Variants in PLPPR3 observed in about 807,000 individuals in gnomAD.
The protein encoded by PLPPR3 is phospholipid phosphatase related 3.
PLPPR3 carries 14 observed loss-of-function variants against 27.3 expected under a neutral mutation model. That is an observed-to-expected ratio of 0.51 (90% CI 0.34 to 0.80). PLPPR3 has a LOEUF of 0.80. PLPPR3 is among the 30% of genes least tolerant of loss of function. The pLI, the probability that PLPPR3 is intolerant of heterozygous loss-of-function variation, is 0.01. For missense variants in PLPPR3, 1,287 were observed against 1,056.9 expected (o/e 1.22, Z -3.02); for synonymous variants, 671 against 508.0 (o/e 1.32, Z -4.32).
chr19:813,350 C>T lies in PLPPR3; in HGVS notation c.1377G>A (p.Glu459=). 1 of 1,479,008 alleles carries T rather than the reference C, an allele frequency of 6.8e-7. No individual in the cohort carries two copies. The highest frequency in any genetic ancestry group is 8.9e-7 in the Non-Finnish European group (1 of 1,122,958). The allele number at this position is 1,479,008 out of a possible 1,614,324, so 91.6% of individuals were successfully genotyped here. ...GCGAGGGCGGGGCCGGGCCCTCGTC[C>T]TCCTCCTCTTCCTCCTCCTCCTCTT... ...EEEEEEEEEE[E]DEGPAPPSLY... The change falls in exon 8 of 8, where the codon GAG becomes GAA. Residue 459 remains glutamate (E), a synonymous_variant. Coordinates refer to ENST00000520876, the MANE Select transcript of PLPPR3 (RefSeq NM_001270366.2). The surrounding 1 kb of genome is among the most constrained non-coding windows in gnomAD (Gnocchi z 4.1).
upstream of PLPPR3, among the ~76,000 whole-genome samples, chr19:823,432 A>C (rs1268255195): frequency 7.0e-6 from 1 of 143,610 alleles, no homozygotes; most frequent in African/African-American, 2.5e-5. Flanking sequence ...ACAGAAGGAG[A>C]CTCTATCTCA....
Position 813,191 on chromosome 19 carries a change from G to T in PLPPR3, c.1536C>A (p.Gly512=), listed in dbSNP as rs991432848. 3 of 1,506,520 alleles carry T rather than the reference G, an allele frequency of 2.0e-6. No individual in the cohort carries two copies. Among genetic ancestry groups the T allele is most frequent in the South Asian group, 1.2e-5 (1 of 80,890 alleles). The allele number at this position is 1,506,520 out of a possible 1,614,324, so 93.3% of individuals were successfully genotyped here. A position where few individuals can be genotyped will look rare whatever the true frequency, so the allele number is the denominator to read the frequency against. Reference sequence around the variant, plus strand: ...TGAGCCACTTGGCGCGCACCCCGGCGCCGCTTTTGGGGGACAGGCCGGCCC... The same window carrying T: ...TGAGCCACTTGGCGCGCACCCCGGCTCCGCTTTTGGGGGACAGGCCGGCCC... The part of the protein sequence containing the change: ...QTGAGLSPKS[G]AGVRAKWLMM... Residue 512 remains glycine (G), a synonymous_variant, in exon 8 of 8, where the codon GGC becomes GGA. Coordinates refer to ENST00000520876, the MANE Select transcript of PLPPR3 (RefSeq NM_001270366.2). The surrounding 1 kb of genome is among the most constrained non-coding windows in gnomAD (Gnocchi z 4.1).
chr19:813,541 G>C lies in PLPPR3; in HGVS notation c.1186C>G (p.His396Asp). The C allele has an allele frequency of 6.4e-7, 1 of 1,562,920 alleles. No homozygotes were observed. The highest frequency in any genetic ancestry group is 8.7e-7 in the Non-Finnish European group (1 of 1,155,894). ...DDPARRHMTI[H>D]VPLDASRSKQ... is the part of the protein sequence containing the mutation. ...GAGCGCGAGGCGTCCAGCGGCACGTGGATGGTCATGTGGCGGCGCGCGGGG... is the reference window on the plus strand; with the variant it reads ...GAGCGCGAGGCGTCCAGCGGCACGTCGATGGTCATGTGGCGGCGCGCGGGG... The change falls in exon 8 of 8, where the codon CAC (histidine) becomes GAC (aspartate). Residue 396 changes from histidine to aspartate, a missense_variant. Physicochemically the swap from His to Asp is moderately conservative, Grantham distance 81 (BLOSUM62 -1). Transcript: ENST00000520876. The surrounding 1 kb of genome is among the most constrained non-coding windows in gnomAD (Gnocchi z 4.1).
At position 813,653 on chromosome 19, in the gene PLPPR3, C is replaced by T. The variant is rs748685346; in HGVS notation, c.1074G>A (p.Leu358=). Reference sequence around the variant, plus strand: ...TGGCCATGGGGCTGCGCGGGGCCAGCAGGTCCACGTCCACGCTGGCGCGCT... The same window carrying T: ...TGGCCATGGGGCTGCGCGGGGCCAGTAGGTCCACGTCCACGCTGGCGCGCT... ...SLKRASVDVD[L]LAPRSPMAKE... The change falls in exon 8 of 8, where the codon CTG becomes CTA. Residue 358 remains leucine, a synonymous_variant. Transcript: ENST00000520876. This position sits in a 1 kb window ranked among gnomAD's most constrained non-coding sequence, Gnocchi z 4.1. The T allele has an allele frequency of 4.6e-6, 7 of 1,537,214 alleles. No individual in the cohort carries two copies. The South Asian group carries it at 7.1e-5, about 16-fold the overall frequency.
In PLPPR3 at chr19:821,576, C is replaced by A; in HGVS notation, c.-17G>T. ...GGAGATCATGGTGCCGCGGGCGCCG[C>A]AGGCCGTGGCTGGAGGGGAGAAAGC... On this transcript the variant is annotated 5_prime_UTR_variant, in exon 2 of 8. Coordinates refer to ENST00000520876, the MANE Select transcript of PLPPR3 (RefSeq NM_001270366.2). 1 of 1,471,130 alleles carries A rather than the reference C, an allele frequency of 6.8e-7. No individual in the cohort carries two copies. The highest frequency in any genetic ancestry group is 9.1e-7 in the Non-Finnish European group (1 of 1,102,624). The allele number at this position is 1,471,130 out of a possible 1,614,324, so 91.1% of individuals were successfully genotyped here.
chr19:822,491 T>TG (rs977475724), upstream of PLPPR3, among the ~76,000 whole-genome samples: 17 of 151,790 alleles, frequency 1.1e-4, no homozygotes, highest in East Asian at 5.8e-4. Flanking sequence ...GGAGGGGGAC[T>TG]GGGGGGTCTC....
Position 813,422 on chromosome 19 carries a change from G to A in PLPPR3, c.1305C>T (p.Pro435=). 3 of 1,503,486 alleles carry A rather than the reference G, an allele frequency of 2.0e-6. No homozygotes were observed. Among genetic ancestry groups the A allele is most frequent in the Non-Finnish European group, 2.6e-6 (3 of 1,133,720 alleles). 93.1% of individuals were successfully genotyped at this position (1,503,486 alleles called of 1,614,324 possible). A position where few individuals can be genotyped will look rare whatever the true frequency, so the allele number is the denominator to read the frequency against. ...CCTCCTCCTCCGCCATGGGTTCGGC[G>A]GGCGCGCGCAGGTGCCCGGGGCTGG... The part of the protein sequence containing the change: ...DDASPGHLRA[P]AEPMAEEEEE... The change falls in exon 8 of 8, where the codon CCC becomes CCT. Residue 435 remains proline (P), a synonymous_variant. Transcript: ENST00000520876. This position sits in a 1 kb window ranked among gnomAD's most constrained non-coding sequence, Gnocchi z 4.1.
rs1464411675 is a variant in PLPPR3 at position 813,548 on chromosome 19, C to T, written c.1179G>A (p.Met393Ile). Residue 393 changes from methionine (M) to isoleucine (I), a missense_variant, in exon 8 of 8, where the codon ATG becomes ATA. Physicochemically the swap from Met to Ile is conservative, Grantham distance 10. Coordinates refer to ENST00000520876, the MANE Select transcript of PLPPR3 (RefSeq NM_001270366.2). This position sits in a 1 kb window ranked among gnomAD's most constrained non-coding sequence, Gnocchi z 4.1. ...AGGCGTCCAGCGGCACGTGGATGGT[C>T]ATGTGGCGGCGCGCGGGGTCGTCCA... ...PSLDDPARRH[M>I]TIHVPLDASR... 6.4e-6 allele frequency: 10 copies of T among 1,561,678 alleles called. No individual in the cohort carries two copies. In the East Asian group the frequency reaches 7.1e-5, roughly 11 times the overall value.
chr19:815,982 T>C (rs1223130556), intron 2 of PLPPR3, 131 bp from the exon 3 acceptor site: 2 of 852,242 alleles, frequency 2.3e-6, no homozygotes, highest in Non-Finnish European at 3.6e-6. Context: ...CCAGCCACTC[T>C]TTCCCCCATG....
Position 812,600 on chromosome 19 carries a change from G to T in PLPPR3, c.2127C>A (p.Arg709=), listed in dbSNP as rs765696600. 1.8e-6 allele frequency: 2 copies of T among 1,103,278 alleles called. No individual in the cohort carries two copies. The highest frequency in any genetic ancestry group is 4.8e-5 in the Admixed American group (1 of 20,718). The allele number at this position is 1,103,278 out of a possible 1,614,324, so 68.3% of individuals were successfully genotyped here. Residue 709 remains arginine (R), a synonymous_variant, in exon 8 of 8, where the codon CGC becomes CGA. Transcript: ENST00000520876. ...CGGGGAAGCGGCGCGCCTGCATCTT[G>T]CGGAAGTAGCCCTCGGCCTCCGCCT... ...EAEAEAEGYF[R]KMQARRFPD is the part of the protein sequence containing the mutation.
At position 812,541 on chromosome 19, in the gene PLPPR3, G is replaced by GGCCCCCCCCCCCCCC; in HGVS notation, c.*28_*29insGGGGGGGGGGGGGGC. 5.2e-5 allele frequency: 32 copies of GGCCCCCCCCCCCCCC among 617,394 alleles called. No homozygotes were observed. The highest frequency in any genetic ancestry group is 6.0e-5 in the Non-Finnish European group (30 of 496,528). The allele number at this position is 617,394 out of a possible 1,614,324, so 38.2% of individuals were successfully genotyped here. On this transcript the variant is annotated 3_prime_UTR_variant, in exon 8 of 8. Transcript: ENST00000520876. ...GCGCGGCCGCCCGCGCCCTCGGCCC[G>GGCCCCCCCCCCCCCC]CCCCCCGCCCGCCCCCGGCCCCGCC...
rs2035044620 is a variant in PLPPR3 at position 815,846 on chromosome 19, G to A, written c.81C>T (p.Pro27=). 6.2e-7 allele frequency: 1 copy of A among 1,612,340 alleles called. No homozygotes were observed. The highest frequency in any genetic ancestry group is 8.5e-7 in the Non-Finnish European group (1 of 1,179,670). The change falls in exon 3 of 8, where the codon CCC becomes CCT. Residue 27 remains proline (P), a synonymous_variant. Transcript: ENST00000520876. ...AGGATACGATGGAAGAAGCCACTAT[G>A]GGCAGCTGTGGGGACAAGGTGGGCC... ...LLPCFYFVEL[P]IVASSIVSLY...
In PLPPR3 at chr19:812,542, CCCCCCGCCCGCCCCCG is replaced by C. The variant is rs2034938828; in HGVS notation, c.*12_*27del. On this transcript the variant is annotated 3_prime_UTR_variant, in exon 8 of 8. Transcript: ENST00000520876. ...CGCGGCCGCCCGCGCCCTCGGCCCG[CCCCCCGCCCGCCCCCG>C]GCCCCGCCGCGCTAGTCGGGGAAGC... is the stretch of plus-strand genomic sequence containing the variant. The C allele has an allele frequency of 1.2e-5, 4 of 346,286 alleles. No individual in the cohort carries two copies. The highest frequency in any genetic ancestry group is 1.6e-5 in the Non-Finnish European group (4 of 248,122). 21.5% of individuals were successfully genotyped at this position (346,286 alleles called of 1,614,324 possible).
At chr19:820,947 G>A (rs1480951034) in intron 2 of PLPPR3, among the ~76,000 whole-genome samples, 1 of 152,216 alleles carries the variant, frequency 6.6e-6, no homozygotes, top group Non-Finnish European at 1.5e-5. Context: ...GTGAGCCACC[G>A]CACAGGGCAA....
At position 813,723 on chromosome 19, in the gene PLPPR3, G is replaced by A. The variant is rs1251666144; in HGVS notation, c.1004C>T (p.Ala335Val). Residue 335 changes from alanine to valine, a missense_variant, in exon 8 of 8, where the codon GCG becomes GTG. Coordinates refer to ENST00000520876, the MANE Select transcript of PLPPR3 (RefSeq NM_001270366.2). This position sits in a 1 kb window ranked among gnomAD's most constrained non-coding sequence, Gnocchi z 4.1. ...ELGPPGRLEG[A>V]PRPVAREKTS... ...CTTCTCGCGGGCCACGGGCCGGGGCGCGCCCTCCAGCCGCCCTGGGGGCCC... is the reference window on the plus strand; with the variant it reads ...CTTCTCGCGGGCCACGGGCCGGGGCACGCCCTCCAGCCGCCCTGGGGGCCC... 4 of 1,524,800 alleles carry A rather than the reference G, an allele frequency of 2.6e-6. No homozygotes were observed. Among genetic ancestry groups the A allele is most frequent in the African/African-American group, 2.8e-5 (2 of 72,190 alleles). The allele number at this position is 1,524,800 out of a possible 1,614,324, so 94.5% of individuals were successfully genotyped here.
At chr19:816,535 CCCAGT>C (rs2035060653) in intron 2 of PLPPR3, among the ~76,000 whole-genome samples, 63 of 60,950 alleles carry the variant, frequency 1.0e-3, no homozygotes, top group African/African-American at 6.2e-3. Context: ...CACCCATGCC[CCCAGT>C]GGTACCCATC....
chr19:821,551 G>A lies in PLPPR3; in HGVS notation c.9C>T (p.Ser3=), dbSNP rs913309531. 2.0e-6 allele frequency: 3 copies of A among 1,494,766 alleles called. No individual in the cohort carries two copies. The African/African-American group carries it at 4.4e-5, about 22-fold the overall frequency. The allele number at this position is 1,494,766 out of a possible 1,614,324, so 92.6% of individuals were successfully genotyped here. The change falls in exon 2 of 8, where the codon TCC becomes TCT. Residue 3 remains serine, a synonymous_variant. Coordinates refer to ENST00000520876, the MANE Select transcript of PLPPR3 (RefSeq NM_001270366.2). MI[S]TKEKNKIPKD... ...TCGGGATCTTGTTCTTCTCCTTGGT[G>A]GAGATCATGGTGCCGCGGGCGCCGC...
chr19:815,964 ACCCGCTCCCAG>A (rs2145071934), intron 2 of PLPPR3, 113 bp from the exon 3 acceptor site: 6 of 1,033,132 alleles, frequency 5.8e-6, no homozygotes, highest in South Asian at 4.9e-5. Flanking sequence ...CACAGATCCA[ACCCGCTCCCAG>A]CCACTCTTTC....
At chr19:820,530 T>G (rs975925088) in intron 2 of PLPPR3, among the ~76,000 whole-genome samples, 3 of 150,146 alleles carry the variant, frequency 2.0e-5, no homozygotes, top group Non-Finnish European at 3.0e-5. Flanking sequence ...TCTTCTTTTT[T>G]TTTTTCTAAG....
Sources: allele counts gnomAD v4.1 joint callset (sites outside exome capture counted in the v4.1 genomes callset), GRCh38; gene constraint gnomAD v4.1.1; non-coding constraint Gnocchi (gnomAD v3.1); transcripts MANE v1.5; gene names NCBI Gene and HGNC (gene_info 2026-07-23, HGNC 2026-07-21).